The following FOCAD variants were observed in gnomAD, a reference collection of about 807,000 sequenced individuals.
FOCAD encodes KIAA1797.
Under a neutral mutation model 225.6 loss-of-function variants are expected in FOCAD, and 198 were observed. The ratio of observed to expected loss-of-function variants is 0.88; its 90% CI spans 0.78 to 0.99. The LOEUF (loss-of-function observed/expected upper bound fraction) is 0.99. FOCAD is among the 50% of genes least tolerant of loss of function. The pLI, the probability that FOCAD is intolerant of heterozygous loss-of-function variation, is 0.00. For synonymous variants in FOCAD, 897 were observed against 755.0 expected (o/e 1.19, Z -3.08); for missense variants, 2,713 against 2,123.6 (o/e 1.28, Z -5.46).
chr9:20,663,892 G>T (rs1821817335), intron 2 of FOCAD, among the ~76,000 whole-genome samples: 1 of 152,062 alleles, frequency 6.6e-6, no homozygotes, highest in Admixed American at 6.5e-5. Flanking sequence ...AACATGTAGG[G>T]ATTATGTTTC....
In FOCAD at chr9:20,968,431, C is replaced by CTTTTTTTTTTT. The variant is rs35624897; in HGVS notation, c.4133-7975_4133-7965dup. The stretch of plus-strand genomic sequence containing the variant: ...GTTCTGTTGTTTGTATTTTCTTATT[C>CTTTTTTTTTTT]TTTTTTTTTTTTTTTTTTTTTTTTG... On this transcript the variant is annotated intron_variant, in intron 35 of 43. Transcript: ENST00000338382. 2.5e-4 allele frequency among the ~76,000 whole-genome samples: 11 copies of CTTTTTTTTTTT among 43,636 alleles called. 1 individual carries two copies. Among genetic ancestry groups the CTTTTTTTTTTT allele is most frequent in the Admixed American group, 4.3e-4 (1 of 2,352 alleles). 28.6% of individuals were successfully genotyped at this position (43,636 alleles called of 152,430 possible).
At chr9:20,689,800 T>G (rs1256508989) in intron 1 of FOCAD, among the ~76,000 whole-genome samples, 2 of 152,226 alleles carry the variant, frequency 1.3e-5, no homozygotes, top group Non-Finnish European at 2.9e-5. Context: ...AAGCTTTCTG[T>G]TGTTAACGTT....
rs554145179 is a variant in FOCAD at position 20,795,763 on chromosome 9, G to C, written c.1455+6155G>C. On this transcript the variant is annotated intron_variant, in intron 11 of 43. Transcript: ENST00000338382. ...CGCACCACTGCACTCCAGGCTGGGG[G>C]ACAGAGCAAGACTCTGTCTCGAAAA... Among the ~76,000 whole-genome samples, 180 of 120,558 alleles carry C rather than the reference G, an allele frequency of 1.5e-3. 2 individuals are homozygous for C. The highest frequency in any genetic ancestry group is 5.7e-3 in the African/African-American group (173 of 30,254). The allele number at this position is 120,558 out of a possible 152,430, so 79.1% of individuals were successfully genotyped here. A position where few individuals can be genotyped will look rare whatever the true frequency, so the allele number is the denominator to read the frequency against.
chr9:20,768,181 C>G (rs1353085295), intron 7 of FOCAD, among the ~76,000 whole-genome samples: 11 of 148,678 alleles, frequency 7.4e-5, no homozygotes, highest in African/African-American at 2.7e-4. Flanking sequence ...TTCCATTGAT[C>G]TATATCTCTG....
intron 11 of FOCAD, among the ~76,000 whole-genome samples, chr9:20,796,939 A>C (rs1046503719): frequency 6.6e-6 from 1 of 151,988 alleles, no homozygotes; most frequent in African/African-American, 2.4e-5. Context: ...TAGGGTTTTT[A>C]TGGTTTTAGG....
intron 4 of FOCAD, among the ~76,000 whole-genome samples, chr9:20,724,893 G>C (rs547640712): frequency 1.4e-4 from 21 of 152,296 alleles, no homozygotes; most frequent in African/African-American, 5.1e-4. Flanking sequence ...AATGGGCCAG[G>C]CGTGGTGGCT....
intron 35 of FOCAD, among the ~76,000 whole-genome samples, chr9:20,970,812 A>G (rs985495101): frequency 3.9e-5 from 6 of 152,278 alleles, no homozygotes; most frequent in African/African-American, 1.4e-4. Context: ...TTATTCCAAG[A>G]ATAAAACAAA....
At chr9:20,826,775 C>T (rs546329097) in intron 15 of FOCAD, among the ~76,000 whole-genome samples, 95 of 152,200 alleles carry the variant, frequency 6.2e-4, no homozygotes, top group African/African-American at 1.9e-3. Context: ...GTCTCATGCT[C>T]TTTGGTTACT....
At position 20,995,889 on chromosome 9, in the gene FOCAD, T is replaced by C; in HGVS notation, c.*260T>C. 3.9e-6 allele frequency: 1 copy of C among 255,306 alleles called. No homozygotes were observed. The highest frequency in any genetic ancestry group is 7.5e-6 in the Non-Finnish European group (1 of 133,152). The allele number at this position is 255,306 out of a possible 1,614,324, so 15.8% of individuals were successfully genotyped here. A position where few individuals can be genotyped will look rare whatever the true frequency, so the allele number is the denominator to read the frequency against. On this transcript the variant is annotated 3_prime_UTR_variant, in exon 44 of 44. Transcript: ENST00000338382. ...GCTTGAGTTCAATGTGGAGATTTTC[T>C]TTGTGAAAGCTTGAAGATATTATCT...
In FOCAD at chr9:20,720,494, T is replaced by C. The variant is rs1825688062; in HGVS notation, c.247T>C (p.Tyr83His). Residue 83 changes from tyrosine (Y) to histidine (H), a missense_variant, in exon 4 of 44, where the codon TAT becomes CAT. Tyr to His is a moderately conservative substitution (Grantham distance 83, BLOSUM62 2). Coordinates refer to ENST00000338382, the MANE Select transcript of FOCAD (RefSeq NM_001375567.1). ...LVAQDHAEFS[Y>H]VLNGILNLIP... ...TGCTCAGGATCATGCAGAGTTCAGC[T>C]ATGTTCTCAATGGGATACTCAACTT... The C allele has an allele frequency of 1.2e-6, 2 of 1,614,132 alleles. No individual in the cohort carries two copies. The highest frequency in any genetic ancestry group is 1.3e-5 in the African/African-American group (1 of 75,052).
intron 11 of FOCAD, among the ~76,000 whole-genome samples, chr9:20,792,820 T>G (rs1363020238): frequency 1.3e-5 from 2 of 152,156 alleles, no homozygotes; most frequent in Non-Finnish European, 2.9e-5. Flanking sequence ...TGCTGGTCTT[T>G]AAAAAGTCAT....
chr9:20,756,038 C>A (rs931733056), intron 5 of FOCAD, among the ~76,000 whole-genome samples: 1 of 152,134 alleles, frequency 6.6e-6, no homozygotes, highest in African/African-American at 2.4e-5. Flanking sequence ...ACCTGAGAGG[C>A]TTTTAGAATT....
At chr9:20,940,741 A>T (rs1196442268) in intron 28 of FOCAD, among the ~76,000 whole-genome samples, 1 of 152,210 alleles carries the variant, frequency 6.6e-6, no homozygotes, top group Non-Finnish European at 1.5e-5. Flanking sequence ...TTTACAGATA[A>T]AGAATGTGAG....
intron 5 of FOCAD, among the ~76,000 whole-genome samples, chr9:20,754,256 A>G (rs1828838704): frequency 6.6e-6 from 1 of 152,208 alleles, no homozygotes; most frequent in African/African-American, 2.4e-5. Context: ...AGCAATACTT[A>G]GCCTTATGGA....
intron 16 of FOCAD, among the ~76,000 whole-genome samples, chr9:20,864,038 C>G (rs1829018387): frequency 6.6e-6 from 1 of 151,984 alleles, no homozygotes; most frequent in African/African-American, 2.4e-5. Context: ...GGGCCGTTCT[C>G]TCTATCTCTT....
chr9:20,829,417 GT>G (rs11323627), intron 15 of FOCAD, among the ~76,000 whole-genome samples: 47,765 of 150,134 alleles, frequency 0.32, 7,728 homozygotes, highest in East Asian at 0.47. Flanking sequence ...TTTATTATCT[GT>G]TTTTTTTTCA....
upstream of FOCAD, among the ~76,000 whole-genome samples, chr9:20,657,804 T>C (rs1488980533): frequency 1.4e-5 from 1 of 72,334 alleles, no homozygotes; most frequent in Non-Finnish European, 2.7e-5. Context: ...CATCCAGGTT[T>C]GTTCCGTTGC....
intron 7 of FOCAD, among the ~76,000 whole-genome samples, chr9:20,768,904 A>T (rs1253756441): frequency 6.6e-6 from 1 of 152,144 alleles, no homozygotes; most frequent in East Asian, 1.9e-4. Flanking sequence ...GCTTGTTTAG[A>T]ACTTTGATAA....
chr9:20,703,116 A>G (rs780843614), intron 1 of FOCAD, among the ~76,000 whole-genome samples: 3 of 151,702 alleles, frequency 2.0e-5, no homozygotes, highest in African/African-American at 7.3e-5. Context: ...TGAGATTGTG[A>G]TAAAAGCTAT....
Sources: allele counts gnomAD v4.1 joint callset (sites outside exome capture counted in the v4.1 genomes callset), GRCh38; gene constraint gnomAD v4.1.1; transcripts MANE v1.5; gene names NCBI Gene and HGNC (gene_info 2026-07-23, HGNC 2026-07-21).